THTPA: variants seen among roughly 807,000 people sequenced by gnomAD.
THTPA encodes the protein thiamine-triphosphatase.
Under a neutral mutation model 16.5 loss-of-function variants are expected in THTPA, and 16 were observed. The observed-to-expected ratio is 0.97, with a 90% CI of 0.66 to 1.47. The LOEUF is 1.47. Among genes scored for constraint, THTPA ranks in the 40% most tolerant of loss-of-function variants. THTPA has a pLI of 0.00. For missense variants in THTPA, 281 were observed against 280.9 expected (o/e 1.00, Z 0.00); for synonymous variants, 110 against 115.5 (o/e 0.95, Z 0.30).
the THTPA span, chr14:23,514,514 T>C: frequency 3.9e-5 from 6 of 152,282 alleles, no homozygotes; most frequent in Admixed American, 2.0e-4. Flanking sequence ...CAGATCCCAT[T>C]TGGACTCTCC....
Position 23,559,531 on chromosome 14 carries a change from T to C in THTPA, c.*691T>C, listed in dbSNP as rs1020774094. 6 of 555,902 alleles carry C rather than the reference T, an allele frequency of 1.1e-5. No individual in the cohort carries two copies. The highest frequency in any genetic ancestry group is 3.8e-5 in the African/African-American group (2 of 52,834). 34.4% of individuals were successfully genotyped at this position (555,902 alleles called of 1,614,324 possible). On this transcript the variant is annotated 3_prime_UTR_variant, in exon 2 of 2. Transcript: ENST00000288014. ...TAAGAATGCTCTTCCCTTGCTGTTA[T>C]TCATACACACTTTCCACTTCAAATA...
At chr14:23,531,824 C>G in the THTPA span, 1 of 1,249,472 alleles carries the variant, frequency 8.0e-7, no homozygotes, top group African/African-American at 1.5e-5. Flanking sequence ...GTTGCCCAGG[C>G]TGGAGTGCAG....
chr14:23,514,144 GT>G, the THTPA span: 1 of 152,448 alleles, frequency 6.6e-6, no homozygotes, highest in Non-Finnish European at 1.5e-5. Context: ...TGCCAATCTG[GT>G]TGAGAGGGCT....
upstream of THTPA, among the ~76,000 whole-genome samples, chr14:23,555,177 G>A (rs1423970406): frequency 2.6e-5 from 4 of 151,746 alleles, no homozygotes. Context: ...TAGTAGAGAC[G>A]GCGGGCCGGG....
In THTPA at chr14:23,560,214, T is replaced by G; in HGVS notation, c.*1374T>G. 1 of 1,606,036 alleles carries G rather than the reference T, an allele frequency of 6.2e-7. No homozygotes were observed. Among genetic ancestry groups the G allele is most frequent in the East Asian group, 2.2e-5 (1 of 44,780 alleles). On this transcript the variant is annotated 3_prime_UTR_variant, in exon 2 of 2. Coordinates refer to ENST00000288014, the MANE Select transcript of THTPA (RefSeq NM_024328.6). ...TCCTCCACTTAGTGGCCTTTTCTCC[T>G]GGAGTCCCCAGGCCACCTCTGAACT...
At chr14:23,525,942 G>A in the THTPA span, 8 of 1,478,330 alleles carry the variant, frequency 5.4e-6, no homozygotes, top group South Asian at 1.4e-5. This position sits in a 1 kb window ranked among gnomAD's most constrained non-coding sequence, Gnocchi z 5.9. Flanking sequence ...GCTGGGAATC[G>A]GTGCAGGTCC....
the THTPA span, chr14:23,523,989 T>C: frequency 6.6e-7 from 1 of 1,524,928 alleles, no homozygotes. The surrounding 1 kb of genome is among the most constrained non-coding windows in gnomAD (Gnocchi z 4.1). Flanking sequence ...GTGGCCTCTT[T>C]CCCAGGTGGT....
At chr14:23,554,911 G>T (rs116864285), upstream of THTPA, among the ~76,000 whole-genome samples, 2,615 of 152,266 alleles carry the variant, frequency 0.017, 36 homozygotes, top group Middle Eastern at 0.031. Context: ...AGTCCTCAGA[G>T]GGAGTAAGAA....
At chr14:23,524,363 A>C in the THTPA span, 1 of 1,536,266 alleles carries the variant, frequency 6.5e-7, no homozygotes. The surrounding 1 kb of genome is among the most constrained non-coding windows in gnomAD (Gnocchi z 5.6). Flanking sequence ...GGTGGTGCGC[A>C]GGCGCTTGTC....
At chr14:23,529,577 G>T in the THTPA span, 2 of 938,100 alleles carry the variant, frequency 2.1e-6, no homozygotes, top group Non-Finnish European at 3.3e-6. Flanking sequence ...GATCTGGGTG[G>T]AATTTCTTAA....
At chr14:23,537,618 C>T in the THTPA span, among the ~76,000 whole-genome samples, 40 of 152,136 alleles carry the variant, frequency 2.6e-4, no homozygotes, top group African/African-American at 9.2e-4. Context: ...TGCAAATCAG[C>T]ACCTGGGAAA....
chr14:23,549,834 A>G, the THTPA span, among the ~76,000 whole-genome samples: 1 of 152,150 alleles, frequency 6.6e-6, no homozygotes, highest in African/African-American at 2.4e-5. Flanking sequence ...CACCTCTCCC[A>G]GCCCTTTGCT....
the THTPA span, chr14:23,521,322 G>C: frequency 1.3e-5 from 2 of 152,670 alleles, no homozygotes; most frequent in East Asian, 1.9e-4. Flanking sequence ...AGTTTGGTTA[G>C]AGTTTTGTGG....
At chr14:23,527,637 C>G in the THTPA span, 2 of 1,536,512 alleles carry the variant, frequency 1.3e-6, no homozygotes, top group Non-Finnish European at 1.7e-6. Context: ...ACTCGGGCAC[C>G]ACGTTGTGAA....
the THTPA span, among the ~76,000 whole-genome samples, chr14:23,540,132 AG>A: frequency 6.6e-6 from 1 of 152,152 alleles, no homozygotes; most frequent in Non-Finnish European, 1.5e-5. Context: ...CTGGGACTAC[AG>A]GCATGTGCCA....
At chr14:23,544,414 C>T in the THTPA span, 26 of 152,138 alleles carry the variant, frequency 1.7e-4, no homozygotes, top group African/African-American at 5.8e-4. Context: ...TGCCTTATTT[C>T]CTGTGTTGGG....
the THTPA span, chr14:23,535,227 G>A: frequency 1.3e-6 from 2 of 1,524,292 alleles, no homozygotes; most frequent in Non-Finnish European, 1.8e-6. The surrounding 1 kb of genome is among the most constrained non-coding windows in gnomAD (Gnocchi z 4.5). Context: ...CAGGATCAGA[G>A]GGGGTGCTGG....
the THTPA span, among the ~76,000 whole-genome samples, chr14:23,549,798 T>C: frequency 6.6e-6 from 1 of 152,204 alleles, no homozygotes; most frequent in Non-Finnish European, 1.5e-5. Flanking sequence ...TTGGCCTGTT[T>C]ATGTGCCTTC....
rs1328815192 is a variant in THTPA, at chr14:23,559,974, A to G, written c.*1134A>G. 1 of 1,613,352 alleles carries G rather than the reference A, an allele frequency of 6.2e-7. No homozygotes were observed. Among genetic ancestry groups the G allele is most frequent in the Non-Finnish European group, 8.5e-7 (1 of 1,179,588 alleles). On this transcript the variant is annotated 3_prime_UTR_variant, in exon 2 of 2. Transcript: ENST00000288014. ...TGAGGATTCTGAAGAGCTGGGTGATAGGAAGGCCACCCCGAGCTGGAACTG... is the reference window on the plus strand; with the variant it reads ...TGAGGATTCTGAAGAGCTGGGTGATGGGAAGGCCACCCCGAGCTGGAACTG...
Sources: gnomAD v4.1 joint callset for allele counts (sites outside exome capture counted in the v4.1 genomes callset) on GRCh38, gnomAD v4.1.1 for gene constraint, Gnocchi (gnomAD v3.1) non-coding constraint, MANE v1.5 for transcripts, NCBI Gene and HGNC (gene_info 2026-07-23, HGNC 2026-07-21) for gene names.